Variants in NREP observed in about 807,000 individuals in gnomAD.
NREP encodes neuronal regeneration related protein.
Under a neutral mutation model 8.6 loss-of-function variants are expected in NREP, and 5 were observed. The ratio of observed to expected loss-of-function variants is 0.58; its 90% CI spans 0.30 to 1.22. NREP has a LOEUF of 1.22. Among genes scored for constraint, NREP ranks in the 50% most tolerant of loss-of-function variants. The pLI is 0.07. For missense variants in NREP, 86 were observed against 82.5 expected (o/e 1.04, Z -0.17); for synonymous variants, 27 against 28.0 (o/e 0.96, Z 0.11).
intron 2 of NREP, among the ~76,000 whole-genome samples, chr5:111,882,072 A>G (rs578195265): frequency 6.6e-6 from 1 of 152,224 alleles, no homozygotes; most frequent in African/African-American, 2.4e-5. Context: ...AAAGAAGTTC[A>G]AAACTTTGAA....
At chr5:111,892,702 A>G (rs200478927) in intron 2 of NREP, among the ~76,000 whole-genome samples, 2 of 152,196 alleles carry the variant, frequency 1.3e-5, no homozygotes, top group East Asian at 1.9e-4. Context: ...ACGATCTAAT[A>G]TAATTAAAAG....
chr5:111,975,418 C>A (rs958739224), intron 1 of NREP: 2 of 1,405,454 alleles, frequency 1.4e-6, no homozygotes, highest in Non-Finnish European at 9.9e-7. Context: ...GAGCACTGAC[C>A]CCCCTGAGTG....
intron 2 of NREP, among the ~76,000 whole-genome samples, chr5:111,736,272 T>G (rs756518579): frequency 1.3e-5 from 2 of 152,186 alleles, no homozygotes; most frequent in Admixed American, 1.3e-4. Context: ...AGCATAAGAA[T>G]TGTCAAATTA....
chr5:111,767,388 C>T (rs1183330965), intron 2 of NREP, among the ~76,000 whole-genome samples: 1 of 152,148 alleles, frequency 6.6e-6, no homozygotes, highest in Non-Finnish European at 1.5e-5. Flanking sequence ...TAAACAGCAG[C>T]AGAAATCTCT....
intron 2 of NREP, among the ~76,000 whole-genome samples, chr5:111,819,026 A>G (rs1273040156): frequency 6.6e-6 from 1 of 152,214 alleles, no homozygotes; most frequent in African/African-American, 2.4e-5. Context: ...TCTTCAAAGA[A>G]TCAGTATGTC....
At chr5:111,823,531 TAA>T (rs1158092277) in intron 2 of NREP, among the ~76,000 whole-genome samples, 1 of 152,228 alleles carries the variant, frequency 6.6e-6, no homozygotes, top group Admixed American at 6.5e-5. Context: ...TAGAATGATA[TAA>T]AGAGTTCAAT....
chr5:111,976,856 A>G (rs1253559625), exon 1 of NREP: 16 of 744,810 alleles, frequency 2.1e-5, no homozygotes, highest in East Asian at 2.0e-4. Context: ...TGATTGTCCA[A>G]TGTTTCTTTT....
At chr5:111,891,113 C>A (rs1027664383) in intron 2 of NREP, among the ~76,000 whole-genome samples, 10 of 152,158 alleles carry the variant, frequency 6.6e-5, no homozygotes, top group Non-Finnish European at 1.2e-4. Context: ...GATATCTGAG[C>A]ACAGGCTATT....
At chr5:111,762,378 G>A (rs1044568723), upstream of NREP, among the ~76,000 whole-genome samples, 2 of 152,028 alleles carry the variant, frequency 1.3e-5, no homozygotes, top group African/African-American at 4.8e-5. Context: ...AGCTATCTTT[G>A]AGTAATTTTC....
At chr5:111,976,659 C>T (rs1756971971) in intron 1 of NREP, 2 of 1,461,558 alleles carry the variant, frequency 1.4e-6, no homozygotes, top group Admixed American at 4.1e-5. Flanking sequence ...TGTTTTCTTC[C>T]TTTAAAAATG....
chr5:111,850,780 C>T (rs971153358), intron 2 of NREP, among the ~76,000 whole-genome samples: 2 of 152,042 alleles, frequency 1.3e-5, no homozygotes, highest in Non-Finnish European at 2.9e-5. Flanking sequence ...TTTCTTTTTC[C>T]CTTCAAGAAC....
At chr5:111,904,867 G>A (rs1231389130) in intron 2 of NREP, among the ~76,000 whole-genome samples, 1 of 152,016 alleles carries the variant, frequency 6.6e-6, no homozygotes, top group African/African-American at 2.4e-5. Context: ...CCCTTCACGA[G>A]ACAGTATCTG....
chr5:111,974,983 G>C (rs1756920762), intron 2 of NREP, among the ~76,000 whole-genome samples: 1 of 152,206 alleles, frequency 6.6e-6, no homozygotes, highest in Admixed American at 6.5e-5. Context: ...TGAGGGCTGA[G>C]GTGGTTGGCC....
chr5:111,773,262 G>A (rs556268824), intron 2 of NREP, among the ~76,000 whole-genome samples: 115 of 152,242 alleles, frequency 7.6e-4, no homozygotes, highest in African/African-American at 2.6e-3. Flanking sequence ...TATGTTCTGG[G>A]AAGATATACC....
intron 2 of NREP, among the ~76,000 whole-genome samples, chr5:111,887,659 G>T (rs1321854345): frequency 6.6e-6 from 1 of 152,168 alleles, no homozygotes; most frequent in Admixed American, 6.5e-5. Flanking sequence ...TGGCATCTGG[G>T]ATTTGCTTGG....
At chr5:111,974,682 G>A (rs1756912958) in intron 2 of NREP, among the ~76,000 whole-genome samples, 1 of 152,102 alleles carries the variant, frequency 6.6e-6, no homozygotes, top group Admixed American at 6.6e-5. Flanking sequence ...ATCACTATAA[G>A]AACTACTGCT....
chr5:111,966,854 A>G (rs775251418), intron 2 of NREP, among the ~76,000 whole-genome samples: 1 of 152,200 alleles, frequency 6.6e-6, no homozygotes, highest in Non-Finnish European at 1.5e-5. Flanking sequence ...AACCAAGATC[A>G]TAAGTCAGTT....
upstream of NREP, among the ~76,000 whole-genome samples, chr5:111,762,469 A>G (rs909453970): frequency 6.6e-6 from 1 of 151,514 alleles, no homozygotes; most frequent in Non-Finnish European, 1.5e-5. Context: ...ACCACCCCCA[A>G]AATGTACATG....
intron 2 of NREP, among the ~76,000 whole-genome samples, chr5:111,827,214 A>T (rs1752650445): frequency 6.6e-6 from 1 of 152,208 alleles, no homozygotes; most frequent in Non-Finnish European, 1.5e-5. Flanking sequence ...TGTATGTTTG[A>T]TAAAACTTCA....
Sources: gnomAD v4.1 joint callset for allele counts (sites outside exome capture counted in the v4.1 genomes callset) on GRCh38, gnomAD v4.1.1 for gene constraint, MANE v1.5 for transcripts, NCBI Gene and HGNC (gene_info 2026-07-23, HGNC 2026-07-21) for gene names.